Variants in MTFMT observed in about 807,000 individuals in gnomAD.
The protein encoded by MTFMT is methionyl-tRNA formyltransferase, mitochondrial.
Under a neutral mutation model 51.8 loss-of-function variants are expected in MTFMT, and 47 were observed. The observed-to-expected ratio is 0.91, with a 90% confidence interval of 0.72 to 1.16. The LOEUF (loss-of-function observed/expected upper bound fraction) is 1.16, where lower values mean the gene tolerates loss of function less well. MTFMT is among the 50% of genes most tolerant of loss of function. The pLI, the probability that MTFMT is intolerant of heterozygous loss-of-function variation, is 0.00. For synonymous variants in MTFMT, 196 were observed against 176.7 expected, an observed-to-expected ratio of 1.11 and a Z score of -0.87; for missense variants, 512 against 482.3, an observed-to-expected ratio of 1.06 and a Z score of -0.58.
At chr15:65,017,674 T>C (rs1340517975) in intron 5 of MTFMT, among the ~76,000 whole-genome samples, 1 of 152,138 alleles carries the variant, frequency 6.6e-6, no homozygotes, top group African/African-American at 2.4e-5. Flanking sequence ...GGAATGTACC[T>C]GTAGTCCCAG....
chr15:65,020,186 C>T lies in MTFMT; in HGVS notation c.721+11G>A, dbSNP rs1057521903. The T allele has an allele frequency of 6.2e-6, 10 of 1,609,594 alleles. No homozygotes were observed. In the Admixed American group the frequency reaches 1.2e-4, roughly 19 times the overall value. ...TTTAGAAAGATGAGAGTCTCTGCAG[C>T]CTTCACTCACCGTAAGTCGCCCCCT... On this transcript the variant is annotated intron_variant, in intron 5 of 8. Coordinates refer to ENST00000220058, the MANE Select transcript of MTFMT (RefSeq NM_139242.4).
At chr15:65,005,036 T>G (rs1423175826) in intron 7 of MTFMT, 100 bp from the exon 8 acceptor site, 1 of 795,930 alleles carries the variant, frequency 1.3e-6, no homozygotes, top group Non-Finnish European at 2.1e-6. Flanking sequence ...GAGGCAGTAC[T>G]GATACCGGAG....
intron 6 of MTFMT, among the ~76,000 whole-genome samples, chr15:65,012,552 T>C (rs1175957109): frequency 6.6e-6 from 1 of 152,032 alleles, no homozygotes; most frequent in Non-Finnish European, 1.5e-5. Flanking sequence ...TGCACCACCA[T>C]ATCTGGCTAA....
chr15:65,005,040 A>G (rs1414174899), intron 7 of MTFMT, 104 bp from the exon 8 acceptor site: 2 of 738,910 alleles, frequency 2.7e-6, no homozygotes, highest in Non-Finnish European at 4.6e-6. Context: ...CAGTACTGAT[A>G]CCGGAGAGAA....
rs1245233983 is a variant in MTFMT, at chr15:65,016,499, A to G, written c.750T>C (p.Cys250=). 5 of 1,612,334 alleles carry G rather than the reference A, an allele frequency of 3.1e-6. No individual in the cohort carries two copies. The highest frequency in any genetic ancestry group is 4.2e-6 in the Non-Finnish European group (5 of 1,178,814). The change falls in exon 6 of 9, where the codon TGT becomes TGC. Residue 250 remains cysteine (C), a synonymous_variant. Coordinates refer to ENST00000220058, the MANE Select transcript of MTFMT (RefSeq NM_139242.4). The stretch of plus-strand genomic sequence containing the variant: ...CTGAAGTTTGTTCCTCCCATTTTAT[A>G]CAACTGGTACCAGCAGAAATCTTAG... The part of the protein sequence containing the change: ...YAPKISAGTS[C]IKWEEQTSEQ...
At chr15:65,006,057 T>A (rs1278974488) in intron 7 of MTFMT, 56 bp downstream of exon 7, 4 of 1,252,496 alleles carry the variant, frequency 3.2e-6, no homozygotes, top group Non-Finnish European at 4.6e-6. Context: ...ACAGACGTAT[T>A]TCCAGATACA....
At chr15:65,005,667 G>A (rs144940892) in intron 7 of MTFMT, among the ~76,000 whole-genome samples, 2 of 150,478 alleles carry the variant, frequency 1.3e-5, no homozygotes, top group East Asian at 1.9e-4. Flanking sequence ...GGAGTGCAGC[G>A]GCGCAATCTT....
At chr15:65,011,988 A>G (rs2086271408) in intron 6 of MTFMT, among the ~76,000 whole-genome samples, 1 of 152,072 alleles carries the variant, frequency 6.6e-6, no homozygotes. Context: ...AGTTTTAGCT[A>G]TTCATTTAGC....
Position 65,020,142 on chromosome 15 carries a change from T to C in MTFMT, c.721+55A>G, listed in dbSNP as rs915319898. 3.3e-6 allele frequency: 5 copies of C among 1,496,862 alleles called. No individual in the cohort carries two copies. In the Admixed American group the frequency reaches 9.8e-5, roughly 29 times the overall value. 92.7% of individuals were successfully genotyped at this position (1,496,862 alleles called of 1,614,324 possible). The stretch of plus-strand genomic sequence containing the variant: ...CTAAGAAGTCAGAATGTTCAGATGC[T>C]ATCGTGACAAGCAGAACCTTTAGAA... On this transcript the variant is annotated intron_variant, in intron 5 of 8. Coordinates refer to ENST00000220058, the MANE Select transcript of MTFMT (RefSeq NM_139242.4).
At position 65,001,911 on chromosome 15, in the gene MTFMT, T is replaced by A. The variant is rs2086179396; in HGVS notation, c.*1151A>T. 1 of 151,998 alleles carries A rather than the reference T, an allele frequency of 6.6e-6. No homozygotes were observed. Among genetic ancestry groups the A allele is most frequent in the Non-Finnish European group, 1.5e-5 (1 of 68,002 alleles). The allele number at this position is 151,998 out of a possible 1,614,324, so 9.4% of individuals were successfully genotyped here. ...TAAAATCTGGATGTAAAATGTTAATTTATAGTACAGATCAATGTGGCAGAG... is the reference window on the plus strand; with the variant it reads ...TAAAATCTGGATGTAAAATGTTAATATATAGTACAGATCAATGTGGCAGAG... On this transcript the variant is annotated 3_prime_UTR_variant, in exon 9 of 9. Coordinates refer to ENST00000220058, the MANE Select transcript of MTFMT (RefSeq NM_139242.4).
chr15:65,026,741 CAT>C, intron 2 of MTFMT, 88 bp downstream of exon 2: 1 of 978,302 alleles, frequency 1.0e-6, no homozygotes, highest in Non-Finnish European at 1.5e-6. Flanking sequence ...TTACAGAAAG[CAT>C]AGAGTTCAAA....
chr15:65,006,071 C>G (rs777508477), intron 7 of MTFMT, 42 bp downstream of exon 7: 2 of 1,384,322 alleles, frequency 1.4e-6, no homozygotes, highest in Non-Finnish European at 2.0e-6. Context: ...AGATACACTA[C>G]AGTGAAAACA....
At chr15:65,004,189 G>T (rs1159878879) in intron 8 of MTFMT, among the ~76,000 whole-genome samples, 2 of 151,808 alleles carry the variant, frequency 1.3e-5, no homozygotes, top group Non-Finnish European at 2.9e-5. Flanking sequence ...ACTAATTTTT[G>T]TACTGTTAGT....
intron 6 of MTFMT, among the ~76,000 whole-genome samples, chr15:65,013,452 T>C (rs2140479298): frequency 6.6e-6 from 1 of 152,308 alleles, no homozygotes; most frequent in South Asian, 2.1e-4. Context: ...AGGGTCTTCA[T>C]AGATGTCCTT....
At chr15:65,015,493 T>C (rs1298721501) in intron 6 of MTFMT, among the ~76,000 whole-genome samples, 1 of 152,202 alleles carries the variant, frequency 6.6e-6, no homozygotes, top group East Asian at 1.9e-4. Flanking sequence ...AGATATCCAA[T>C]GGTGGTTCCC....
intron 5 of MTFMT, among the ~76,000 whole-genome samples, chr15:65,019,485 CT>C (rs2086352529): frequency 6.6e-6 from 1 of 152,090 alleles, no homozygotes. Flanking sequence ...GAAACACACT[CT>C]TTCCAAAAAC....
chr15:65,029,237 G>A (rs2086457139), intron 1 of MTFMT, 168 bp downstream of exon 1: 1 of 982,802 alleles, frequency 1.0e-6, no homozygotes, highest in African/African-American at 1.7e-5. Context: ...AGGCTGACCG[G>A]CGGGAATGGC....
Position 65,016,486 on chromosome 15 carries a change from C to A in MTFMT, c.763G>T (p.Glu255Ter). ...SAGTSCIKWE[E>*]QTSEQIFRLY... is the part of the protein sequence containing the mutation. ...CTGAATATTTGTTCTGAAGTTTGTTCCTCCCATTTTATACAACTGGTACCA... is the reference window on the plus strand; with the variant it reads ...CTGAATATTTGTTCTGAAGTTTGTTACTCCCATTTTATACAACTGGTACCA... Residue 255 changes from glutamate to a stop codon, truncating the protein, a stop_gained, in exon 6 of 9, where the codon GAA becomes TAA. Transcript: ENST00000220058. LOFTEE classifies it high-confidence loss of function. The A allele has an allele frequency of 6.2e-7, 1 of 1,612,564 alleles. No homozygotes were observed.
chr15:65,023,890 C>G, intron 2 of MTFMT, 96 bp from the exon 3 acceptor site: 1 of 1,193,196 alleles, frequency 8.4e-7, no homozygotes, highest in African/African-American at 1.6e-5. Context: ...AGGAAACTTT[C>G]CCAGAAATTT....
Sources: gnomAD v4.1 joint callset for allele counts (sites outside exome capture counted in the v4.1 genomes callset) on GRCh38, gnomAD v4.1.1 for gene constraint, MANE v1.5 for transcripts, NCBI Gene and HGNC (gene_info 2026-07-23, HGNC 2026-07-21) for gene names.